The following PACRG variants were observed in gnomAD, a reference collection of about 807,000 sequenced individuals.
The protein encoded by PACRG is parkin coregulated, also known as parkin coregulated gene protein.
A neutral mutation model predicts 29.7 loss-of-function variants in PACRG; 29 were observed. That is an observed-to-expected ratio of 0.98 (90% CI 0.73 to 1.33). The LOEUF (loss-of-function observed/expected upper bound fraction) is 1.33, where lower values mean the gene tolerates loss of function less well. Among genes scored for constraint, PACRG ranks in the 40% most tolerant of loss-of-function variants. The pLI is 0.00. For synonymous variants in PACRG, 116 were observed against 118.7 expected (o/e 0.98, Z 0.15); for missense variants, 279 against 316.2 (o/e 0.88, Z 0.89).
chr6:162,958,815 CATAT>C (rs1285122159), intron 2 of PACRG, among the ~76,000 whole-genome samples: 3 of 112,358 alleles, frequency 2.7e-5, no homozygotes, highest in East Asian at 5.3e-4. Flanking sequence ...GCATATAGAG[CATAT>C]ATAGAGTGTA....
chr6:162,838,772 G>A (rs1189601702), intron 2 of PACRG, among the ~76,000 whole-genome samples: 2 of 122,754 alleles, frequency 1.6e-5, no homozygotes, highest in Non-Finnish European at 3.2e-5. Context: ...TCCCCAGAGT[G>A]TGATATTCCC....
chr6:163,036,194 T>A (rs1160501947), intron 2 of PACRG, among the ~76,000 whole-genome samples: 1 of 152,220 alleles, frequency 6.6e-6, no homozygotes, highest in Non-Finnish European at 1.5e-5. Context: ...AAACTTATTT[T>A]GTGGATTTTT....
intron 1 of PACRG, among the ~76,000 whole-genome samples, chr6:162,732,380 G>T (rs2128249321): frequency 6.6e-6 from 1 of 152,292 alleles, no homozygotes; most frequent in Admixed American, 6.5e-5. Context: ...CCCAGAAACA[G>T]CAATCCTCAC....
At chr6:163,036,155 G>T (rs1808165275) in intron 2 of PACRG, among the ~76,000 whole-genome samples, 1 of 152,214 alleles carries the variant, frequency 6.6e-6, no homozygotes, top group Non-Finnish European at 1.5e-5. Context: ...TATGTTGCAA[G>T]ACTGAAGGTT....
intron 4 of PACRG, among the ~76,000 whole-genome samples, chr6:163,269,916 AAGAAAG>A (rs1289884854): frequency 1.2e-5 from 1 of 83,546 alleles, no homozygotes; most frequent in Non-Finnish European, 2.3e-5. Context: ...GAAAGAAAGA[AAGAAAG>A]AAAGAAAACA....
In PACRG at chr6:162,947,367, C is replaced by CATATATA. The variant is rs1562765874; in HGVS notation, c.292-114780_292-114774dup. ...AATGATTACATATATATAATGTAAT[C>CATATATA]ATATATAATCATATATATAATCATA... is the stretch of plus-strand genomic sequence containing the variant. On this transcript the variant is annotated intron_variant, in intron 2 of 4. Coordinates refer to ENST00000366888, the MANE Select transcript of PACRG (RefSeq NM_001080379.2). Among the ~76,000 whole-genome samples, 169 of 41,832 alleles carry CATATATA rather than the reference C, an allele frequency of 4.0e-3. 12 individuals are homozygous for CATATATA. Among genetic ancestry groups the CATATATA allele is most frequent in the African/African-American group, 0.011 (148 of 13,268 alleles). 27.4% of individuals were successfully genotyped at this position (41,832 alleles called of 152,430 possible).
chr6:163,063,984 T>C (rs1811313350), intron 3 of PACRG, among the ~76,000 whole-genome samples: 1 of 152,212 alleles, frequency 6.6e-6, no homozygotes, highest in Non-Finnish European at 1.5e-5. Flanking sequence ...AAGGATGATA[T>C]GTAGCTTTCT....
intron 4 of PACRG, among the ~76,000 whole-genome samples, chr6:163,097,154 C>G (rs1814674188): frequency 6.6e-6 from 1 of 152,208 alleles, no homozygotes; most frequent in Non-Finnish European, 1.5e-5. Flanking sequence ...CAACCTCTTT[C>G]CACTGTGTTC....
intron 1 of PACRG, among the ~76,000 whole-genome samples, chr6:162,754,528 A>G (rs939561245): frequency 5.9e-5 from 9 of 152,058 alleles, no homozygotes; most frequent in Non-Finnish European, 1.0e-4. Context: ...AGTTATATCC[A>G]AAAAATAACT....
At chr6:163,194,650 G>C (rs1163058362) in intron 4 of PACRG, among the ~76,000 whole-genome samples, 1 of 152,214 alleles carries the variant, frequency 6.6e-6, no homozygotes, top group Non-Finnish European at 1.5e-5. Flanking sequence ...CTACACTGAA[G>C]AGGACAGCTT....
chr6:162,936,972 T>G (rs766144910), intron 2 of PACRG, among the ~76,000 whole-genome samples: 30 of 152,136 alleles, frequency 2.0e-4, no homozygotes, highest in Non-Finnish European at 3.5e-4. Context: ...AGAGAAGCAT[T>G]TGAAAAAGGA....
chr6:163,009,146 GACA>G (rs1196578779), intron 2 of PACRG, among the ~76,000 whole-genome samples: 1 of 152,146 alleles, frequency 6.6e-6, no homozygotes, highest in African/African-American at 2.4e-5. Flanking sequence ...GGGTCCATGT[GACA>G]ACAACAACAA....
chr6:162,842,240 T>C (rs1789853470), intron 2 of PACRG, among the ~76,000 whole-genome samples: 2 of 143,672 alleles, frequency 1.4e-5, no homozygotes, highest in South Asian at 4.9e-4. Flanking sequence ...TAAGTCTCTT[T>C]GTAGGTCACT....
intron 2 of PACRG, among the ~76,000 whole-genome samples, chr6:163,040,863 A>G (rs1215950497): frequency 6.6e-6 from 1 of 152,166 alleles, no homozygotes; most frequent in Non-Finnish European, 1.5e-5. Flanking sequence ...GCCTTTTTTC[A>G]GATGAGACTT....
At chr6:163,222,118 A>C (rs1781605535) in intron 4 of PACRG, among the ~76,000 whole-genome samples, 1 of 152,234 alleles carries the variant, frequency 6.6e-6, no homozygotes, top group Non-Finnish European at 1.5e-5. Context: ...GTATTTTGTA[A>C]ACTTTTATTA....
chr6:163,139,063 G>C (rs58304775), intron 4 of PACRG, among the ~76,000 whole-genome samples: 1 of 152,054 alleles, frequency 6.6e-6, no homozygotes, highest in Non-Finnish European at 1.5e-5. Context: ...TTGGTGGCTT[G>C]CAGAATGTGT....
At chr6:162,747,375 T>C (rs1263016646) in intron 1 of PACRG, among the ~76,000 whole-genome samples, 4 of 69,882 alleles carry the variant, frequency 5.7e-5, no homozygotes, top group Admixed American at 1.6e-4. Context: ...CACATACATA[T>C]ATATGTATAT....
At chr6:163,143,842 G>C (rs2128335437) in intron 4 of PACRG, among the ~76,000 whole-genome samples, 1 of 152,260 alleles carries the variant, frequency 6.6e-6, no homozygotes, top group South Asian at 2.1e-4. Flanking sequence ...AGAGGGGACG[G>C]GGAGGAAAGA....
chr6:162,748,126 A>C lies in PACRG; in HGVS notation c.156+19735A>C, dbSNP rs2128275810. On this transcript the variant is annotated intron_variant, in intron 1 of 4. Coordinates refer to ENST00000366888, the MANE Select transcript of PACRG (RefSeq NM_001080379.2). ...AGTCAATCACTCAGTGATAAGTGGC[A>C]TTTGTCATTAAAGAAAGTGGGTTGG... Among the ~76,000 whole-genome samples the C allele has an allele frequency of 2.0e-5, 3 of 152,290 alleles. 1 individual carries two copies. In the Middle Eastern group the frequency reaches 0.01, roughly 518 times the overall value.
Sources: allele counts gnomAD v4.1 joint callset (sites outside exome capture counted in the v4.1 genomes callset), GRCh38; gene constraint gnomAD v4.1.1; transcripts MANE v1.5; gene names NCBI Gene and HGNC (gene_info 2026-07-23, HGNC 2026-07-21).